Variants in LAMC3 observed in about 807,000 individuals in gnomAD.
LAMC3 encodes laminin subunit gamma 3, also known as laminin subunit gamma-3.
In LAMC3, 128 loss-of-function variants were observed where a neutral mutation model predicts 173.8. The observed-to-expected ratio is 0.74, with a 90% CI of 0.64 to 0.85. LAMC3 has a LOEUF of 0.85. Among genes scored for constraint, LAMC3 ranks in the 40% least tolerant of loss-of-function variants. LAMC3 has a pLI of 0.00. For missense variants in LAMC3, 2,022 were observed against 2,156.0 expected, an observed-to-expected ratio of 0.94 and a Z score of 1.23; for synonymous variants, 897 against 909.1, an observed-to-expected ratio of 0.99 and a Z score of 0.24.
chr9:131,047,911 T>TTTTTA (rs1414358047), intron 8 of LAMC3, among the ~76,000 whole-genome samples: 1 of 125,558 alleles, frequency 8.0e-6, no homozygotes, highest in East Asian at 2.2e-4. Flanking sequence ...TTTTTATTTA[T>TTTTTA]TTTTATTTTA....
intron 11 of LAMC3, among the ~76,000 whole-genome samples, chr9:131,053,244 C>T (rs1834335018): frequency 6.6e-6 from 1 of 152,196 alleles, no homozygotes; most frequent in Non-Finnish European, 1.5e-5. Flanking sequence ...GCAAGCCACC[C>T]AGACCCGCTG....
Position 131,069,733 on chromosome 9 carries a change from G to A in LAMC3, c.2952G>A (p.Val984=). The change falls in exon 17 of 28, where the codon GTG becomes GTA. Residue 984 remains valine, a synonymous_variant. Coordinates refer to ENST00000361069, the MANE Select transcript of LAMC3 (RefSeq NM_006059.4). ...AGTGCCACGAGAACGGCACATGCGT[G>A]TGCAGGCCTGGCTTCGAGGGCTACA... ...SAQCHENGTC[V]CRPGFEGYKC... 6.2e-7 allele frequency: 1 copy of A among 1,602,192 alleles called. No homozygotes were observed. Among genetic ancestry groups the A allele is most frequent in the Non-Finnish European group, 8.5e-7 (1 of 1,175,258 alleles).
chr9:131,012,048 AACACACACACACATACACACACAC>A (rs1450466909), intron 1 of LAMC3, among the ~76,000 whole-genome samples: 2 of 138,130 alleles, frequency 1.4e-5, no homozygotes, highest in Admixed American at 7.2e-5. Flanking sequence ...GTAGAGAGCG[AACACACACACACATACACACACAC>A]ACACACACAC....
At chr9:131,051,652 A>G (rs1834288357) in intron 9 of LAMC3, among the ~76,000 whole-genome samples, 1 of 152,004 alleles carries the variant, frequency 6.6e-6, no homozygotes, top group Non-Finnish European at 1.5e-5. Flanking sequence ...CGTGAGCCAC[A>G]ATGCCAGGCT....
Position 131,068,489 on chromosome 9 carries a change from C to G in LAMC3, c.2747+258C>G, listed in dbSNP as rs148255934. ...GGTGGCCGGTTTGGTCTCTGATTCC[C>G]TTCTCAGTGACACTCTCCCTGGGTG... On this transcript the variant is annotated intron_variant, in intron 15 of 27. Transcript: ENST00000361069. Among the ~76,000 whole-genome samples, 1,759 of 152,254 alleles carry G rather than the reference C, an allele frequency of 0.012. 35 individuals are homozygous for G. The highest frequency in any genetic ancestry group is 0.039 in the African/African-American group (1,638 of 41,544).
At chr9:131,084,135 C>T (rs976041684) in intron 24 of LAMC3, among the ~76,000 whole-genome samples, 2 of 151,256 alleles carry the variant, frequency 1.3e-5, no homozygotes, top group African/African-American at 2.4e-5. Context: ...TACCTGCCTC[C>T]GCCTCCCAAA....
At chr9:131,039,288 GA>G in intron 6 of LAMC3, 40 bp downstream of exon 6, 1 of 1,516,842 alleles carries the variant, frequency 6.6e-7, no homozygotes, top group Non-Finnish European at 9.1e-7. Flanking sequence ...ACATTGCACT[GA>G]ATGACAAGAA....
intron 27 of LAMC3, among the ~76,000 whole-genome samples, chr9:131,088,890 T>C (rs1243264969): frequency 6.6e-6 from 1 of 152,024 alleles, no homozygotes; most frequent in African/African-American, 2.4e-5. Context: ...GAGACCAGCC[T>C]GACCAACATG....
At chr9:131,090,384 G>T (rs1466253089) in intron 27 of LAMC3, among the ~76,000 whole-genome samples, 1 of 152,210 alleles carries the variant, frequency 6.6e-6, no homozygotes, top group Non-Finnish European at 1.5e-5. Flanking sequence ...CAGGTAGAGT[G>T]GGGGCTGTAA....
rs760040324 is a variant in LAMC3, at chr9:131,026,427, C to T, written c.516C>T (p.Gly172=). ...GCGCCTCCTGCCAGAAGACCTACGG[C>T]CGGCCCGAGGGCCAGTACCTGCGCC... ...FYSASCQKTY[G]RPEGQYLRPG... is the part of the protein sequence containing the mutation. Residue 172 remains glycine, a synonymous_variant, in exon 2 of 28, where the codon GGC becomes GGT. Coordinates refer to ENST00000361069, the MANE Select transcript of LAMC3 (RefSeq NM_006059.4). The surrounding 1 kb of genome is among the most constrained non-coding windows in gnomAD (Gnocchi z 4.8). The T allele has an allele frequency of 6.2e-7, 1 of 1,613,818 alleles. No homozygotes were observed. The highest frequency in any genetic ancestry group is 2.2e-5 in the East Asian group (1 of 44,884).
intron 11 of LAMC3, 53 bp downstream of exon 11, chr9:131,053,018 A>G: frequency 1.5e-6 from 2 of 1,338,418 alleles, no homozygotes; most frequent in South Asian, 2.4e-5. Context: ...AGGTCTCAGA[A>G]CTGGGCTGGG....
At position 131,028,751 on chromosome 9, in the gene LAMC3, C is replaced by T. The variant is rs150408151; in HGVS notation, c.678+2162C>T. On this transcript the variant is annotated intron_variant, in intron 2 of 27. Transcript: ENST00000361069. The stretch of plus-strand genomic sequence containing the variant: ...TCCCAATGCAGTGGAGTCACACGCA[C>T]AGCACATATTTCCCCAGAGCCACAT... Among the ~76,000 whole-genome samples the T allele has an allele frequency of 3.9e-5, 6 of 152,250 alleles. 1 individual carries two copies. The highest frequency in any genetic ancestry group is 1.4e-4 in the African/African-American group (6 of 41,466).
chr9:131,017,059 G>A (rs950461745), intron 1 of LAMC3, among the ~76,000 whole-genome samples: 5 of 152,086 alleles, frequency 3.3e-5, no homozygotes, highest in African/African-American at 1.2e-4. Flanking sequence ...GGAGCAAACA[G>A]GGTCCGGATC....
At chr9:131,022,376 G>A (rs766011696) in intron 1 of LAMC3, among the ~76,000 whole-genome samples, 17 of 151,894 alleles carry the variant, frequency 1.1e-4, no homozygotes, top group Non-Finnish European at 2.1e-4. Context: ...GAGCCACCAC[G>A]GCCAGCCCGA....
At chr9:131,077,711 A>C (rs944105886) in intron 22 of LAMC3, among the ~76,000 whole-genome samples, 4 of 134,006 alleles carry the variant, frequency 3.0e-5, no homozygotes, top group East Asian at 2.3e-4. Flanking sequence ...AAAAAAAAAA[A>C]AACTATTATA....
chr9:131,052,801 A>ACCC, intron 10 of LAMC3, 49 bp from the exon 11 acceptor site: 1 of 747,876 alleles, frequency 1.3e-6, no homozygotes, highest in South Asian at 1.3e-5. Flanking sequence ...CAGGCATGGT[A>ACCC]CCCCCCCACC....
chr9:131,057,230 C>A, intron 12 of LAMC3, 83 bp downstream of exon 12: 1 of 1,218,088 alleles, frequency 8.2e-7, no homozygotes, highest in East Asian at 2.4e-5. Flanking sequence ...CAGGGCCAGC[C>A]TGGCACAGGC....
Position 131,061,170 on chromosome 9 carries a change from C to T in LAMC3, c.2294C>T (p.Thr765Ile). The change falls in exon 13 of 28, where the codon ACC becomes ATC. Residue 765 changes from threonine (T) to isoleucine (I), a missense_variant. Coordinates refer to ENST00000361069, the MANE Select transcript of LAMC3 (RefSeq NM_006059.4). ...TGCCCTGGCCAGTCGGCCTGTACGA[C>T]CATCCCAGAGAGCCGGGAGGTGGTG... ...CPCPGQSACT[T>I]IPESREVVCT... The T allele has an allele frequency of 1.2e-6, 2 of 1,612,532 alleles. No individual in the cohort carries two copies. Among genetic ancestry groups the T allele is most frequent in the Non-Finnish European group, 1.7e-6 (2 of 1,179,950 alleles).
At chr9:131,048,799 T>TG (rs1210605495) in intron 8 of LAMC3, among the ~76,000 whole-genome samples, 2 of 152,118 alleles carry the variant, frequency 1.3e-5, no homozygotes, top group Non-Finnish European at 2.9e-5. Context: ...GGCCCCCATG[T>TG]GGGGGTCTTC....
Sources: gnomAD v4.1 joint callset for allele counts (sites outside exome capture counted in the v4.1 genomes callset) on GRCh38, gnomAD v4.1.1 for gene constraint, Gnocchi (gnomAD v3.1) non-coding constraint, MANE v1.5 for transcripts, NCBI Gene and HGNC (gene_info 2026-07-23, HGNC 2026-07-21) for gene names.